Variants in ST18 observed in about 807,000 individuals in gnomAD.
ST18 encodes the protein ST18 C2H2C-type zinc finger transcription factor.
Under a neutral mutation model 110.0 loss-of-function variants are expected in ST18, and 50 were observed. The observed-to-expected ratio is 0.45, with a 90% CI of 0.36 to 0.58. The LOEUF is 0.58. Ranked by LOEUF, ST18 falls within the 20% of genes least tolerant of loss-of-function variation. The pLI, the probability that ST18 is intolerant of heterozygous loss-of-function variation, is 0.00. For synonymous variants in ST18, 461 were observed against 452.4 expected (o/e 1.02, Z -0.24); for missense variants, 1,306 against 1,280.1 (o/e 1.02, Z -0.31).
At chr8:52,221,330 G>A (rs574300278) in intron 4 of ST18, among the ~76,000 whole-genome samples, 1 of 152,244 alleles carries the variant, frequency 6.6e-6, no homozygotes, top group East Asian at 1.9e-4. Context: ...TCTTTTTAAC[G>A]AGACCATCAT....
At chr8:52,151,687 G>A (rs1050067540) in intron 15 of ST18, among the ~76,000 whole-genome samples, 3 of 152,150 alleles carry the variant, frequency 2.0e-5, no homozygotes, top group Admixed American at 6.5e-5. Context: ...TAGCTGATAT[G>A]TAAATAGCAA....
intron 8 of ST18, among the ~76,000 whole-genome samples, chr8:52,196,398 C>T (rs80322147): frequency 0.041 from 6,292 of 152,272 alleles, 166 homozygotes; most frequent in East Asian, 0.084. Context: ...CACCCCACCA[C>T]GTAATTCACA....
At chr8:52,357,590 ATTGT>A (rs991704250) in intron 2 of ST18, among the ~76,000 whole-genome samples, 47 of 148,410 alleles carry the variant, frequency 3.2e-4, no homozygotes, top group African/African-American at 1.1e-3. Flanking sequence ...CACAAAAGAC[ATTGT>A]TTATCAACAA....
chr8:52,291,799 G>A (rs1442571667), intron 2 of ST18, among the ~76,000 whole-genome samples: 2 of 151,932 alleles, frequency 1.3e-5, no homozygotes, highest in Non-Finnish European at 2.9e-5. Context: ...AATGGAGACA[G>A]GGTCTCACTT....
At chr8:52,277,348 G>A (rs2095292053) in intron 2 of ST18, among the ~76,000 whole-genome samples, 2 of 152,120 alleles carry the variant, frequency 1.3e-5, no homozygotes, top group African/African-American at 2.4e-5. Context: ...GTCCTCTCCT[G>A]CTTCCAGCCC....
At chr8:52,139,138 A>G (rs1350832114) in intron 17 of ST18, among the ~76,000 whole-genome samples, 1 of 152,166 alleles carries the variant, frequency 6.6e-6, no homozygotes. Context: ...TAAAAAGTAA[A>G]GACAAAAACC....
At position 52,131,501 on chromosome 8, in the gene ST18, C is replaced by T. The variant is rs574874098; in HGVS notation, c.2666+457G>A. 5.9e-5 allele frequency among the ~76,000 whole-genome samples: 9 copies of T among 152,270 alleles called. No individual in the cohort carries two copies. The South Asian group carries it at 1.0e-3, about 18-fold the overall frequency. ...TGTGTCATTTTCTTTCTGGCTGCTG[C>T]GGATGAGTCACATCCTCCCAGTAGC... On this transcript the variant is annotated intron_variant, in intron 22 of 25. Transcript: ENST00000689386.
chr8:52,194,092 G>A (rs1275907733), intron 8 of ST18, among the ~76,000 whole-genome samples: 2 of 152,036 alleles, frequency 1.3e-5, no homozygotes, highest in African/African-American at 4.8e-5. Context: ...TTCTCATTTA[G>A]TTGGGACTAA....
intron 2 of ST18, among the ~76,000 whole-genome samples, chr8:52,293,554 A>G (rs1477662238): frequency 6.6e-6 from 1 of 152,222 alleles, no homozygotes; most frequent in Non-Finnish European, 1.5e-5. Flanking sequence ...TAGCCAACAT[A>G]ACATTTGTCA....
chr8:52,192,916 G>A (rs985542103), intron 8 of ST18, among the ~76,000 whole-genome samples: 4 of 152,294 alleles, frequency 2.6e-5, no homozygotes, highest in South Asian at 2.1e-4. Context: ...AATAGATACC[G>A]TCCTGGCAGG....
At chr8:52,408,615 A>G (rs1590805391) in intron 2 of ST18, among the ~76,000 whole-genome samples, 1 of 152,348 alleles carries the variant, frequency 6.6e-6, no homozygotes, top group East Asian at 1.9e-4. Flanking sequence ...CTCATCTACA[A>G]TCCCAAGTAC....
chr8:52,195,408 T>C (rs750712139), intron 8 of ST18, among the ~76,000 whole-genome samples: 6 of 152,070 alleles, frequency 3.9e-5, no homozygotes, highest in Non-Finnish European at 5.9e-5. Context: ...AAAATATATG[T>C]GACTTTATAT....
In ST18 at chr8:52,191,726, T is replaced by C. The variant is rs1024387868; in HGVS notation, c.87-11414A>G. On this transcript the variant is annotated intron_variant, in intron 8 of 25. Coordinates refer to ENST00000689386, the MANE Select transcript of ST18 (RefSeq NM_001352837.2). ...GAAATCTTCCCAATGGGCAGAGATA[T>C]AGGGAAGGGCTCAGGTGCAGCTGGT... is the stretch of plus-strand genomic sequence containing the variant. Among the ~76,000 whole-genome samples the C allele has an allele frequency of 3.3e-5, 5 of 152,006 alleles. No homozygotes were observed. The East Asian group carries it at 7.7e-4, about 23-fold the overall frequency.
chr8:52,150,070 CT>C, intron 15 of ST18, 93 bp from the exon 16 acceptor site: 2 of 1,468,040 alleles, frequency 1.4e-6, no homozygotes, highest in Non-Finnish European at 1.8e-6. Flanking sequence ...TAAATGTAAG[CT>C]TTTATGTAAG....
rs76892235 is a variant in ST18 at position 52,148,572 on chromosome 8, A to C, written c.2052+1160T>G. On this transcript the variant is annotated intron_variant, in intron 16 of 25. Transcript: ENST00000689386. The stretch of plus-strand genomic sequence containing the variant: ...TGACTGTGGCACACAAGCATGGTGG[A>C]AGTGTGTCCTATTCATTGCTGTATC... Among the ~76,000 whole-genome samples, 54 of 152,110 alleles carry C rather than the reference A, an allele frequency of 3.6e-4. No individual in the cohort carries two copies. The East Asian group carries it at 0.01, about 30-fold the overall frequency.
intron 2 of ST18, among the ~76,000 whole-genome samples, chr8:52,243,892 GGA>G (rs1389104058): frequency 6.6e-6 from 1 of 151,544 alleles, no homozygotes; most frequent in African/African-American, 2.4e-5. Flanking sequence ...GGAGAGAGAG[GGA>G]GAGAGAGAGA....
chr8:52,214,260 A>G lies in ST18; in HGVS notation c.1-3T>C, dbSNP rs957579348. 3 of 1,613,950 alleles carry G rather than the reference A, an allele frequency of 1.9e-6. No individual in the cohort carries two copies. The highest frequency in any genetic ancestry group is 2.5e-6 in the Non-Finnish European group (3 of 1,179,982). Reference sequence around the variant, plus strand: ...TTATCTTCAGCCTCTGCATCCATCTATAACATGAACACAAAGTCCTGAGGT... The same window carrying G: ...TTATCTTCAGCCTCTGCATCCATCTGTAACATGAACACAAAGTCCTGAGGT... On this transcript the variant is annotated splice_region_variant and splice_polypyrimidine_tract_variant and intron_variant, in intron 6 of 25. Transcript: ENST00000689386.
At chr8:52,362,627 AT>A in intron 2 of ST18, among the ~76,000 whole-genome samples, 1 of 152,264 alleles carries the variant, frequency 6.6e-6, no homozygotes, top group East Asian at 1.9e-4. Flanking sequence ...TATATAATAC[AT>A]TTTCCCCATA....
intron 2 of ST18, among the ~76,000 whole-genome samples, chr8:52,372,834 T>C (rs888358573): frequency 1.3e-5 from 2 of 152,220 alleles, no homozygotes; most frequent in East Asian, 3.8e-4. Context: ...ATCCCCATTG[T>C]TAAGTGACAC....
Sources: gnomAD v4.1 joint callset for allele counts (sites outside exome capture counted in the v4.1 genomes callset) on GRCh38, gnomAD v4.1.1 for gene constraint, MANE v1.5 for transcripts, NCBI Gene and HGNC (gene_info 2026-07-23, HGNC 2026-07-21) for gene names.